The following COL21A1 variants were observed in gnomAD, a reference collection of about 807,000 sequenced individuals.
COL21A1 encodes the protein collagen type XXI alpha 1 chain.
Under a neutral mutation model 137.9 loss-of-function variants are expected in COL21A1, and 149 were observed. The ratio of observed to expected loss-of-function variants is 1.08; its 90% CI spans 0.95 to 1.24. The LOEUF (loss-of-function observed/expected upper bound fraction) is 1.24, where lower values mean the gene tolerates loss of function less well. COL21A1 is among the 50% of genes most tolerant of loss of function. The pLI, the probability that COL21A1 is intolerant of heterozygous loss-of-function variation, is 0.00. For missense variants in COL21A1, 1,167 were observed against 1,158.4 expected, an observed-to-expected ratio of 1.01 and a Z score of -0.11; for synonymous variants, 456 against 391.5, an observed-to-expected ratio of 1.16 and a Z score of -1.95.
At chr6:56,180,340 A>C (rs571922305) in intron 2 of COL21A1, among the ~76,000 whole-genome samples, 1 of 152,298 alleles carries the variant, frequency 6.6e-6, no homozygotes, top group Admixed American at 6.5e-5. Context: ...TTTTCTACCA[A>C]CTCCAGGACT....
At chr6:56,138,206 A>AAT (rs1297194812) in intron 12 of COL21A1, among the ~76,000 whole-genome samples, 1 of 151,898 alleles carries the variant, frequency 6.6e-6, no homozygotes, top group African/African-American at 2.4e-5. Context: ...GAGGAAGCAA[A>AAT]ATATTTTTTA....
intron 12 of COL21A1, among the ~76,000 whole-genome samples, chr6:56,127,634 A>C (rs1247553805): frequency 6.6e-6 from 1 of 152,222 alleles, no homozygotes; most frequent in African/African-American, 2.4e-5. Context: ...GATAATTTAG[A>C]ATTTTTAAAT....
chr6:56,243,214 A>C (rs1294993420), intron 1 of COL21A1, among the ~76,000 whole-genome samples: 1 of 152,140 alleles, frequency 6.6e-6, no homozygotes, highest in Non-Finnish European at 1.5e-5. Flanking sequence ...TACTCTTTTC[A>C]CAATAAATTT....
chr6:56,240,132 G>C (rs1782194098), intron 1 of COL21A1, among the ~76,000 whole-genome samples: 1 of 149,958 alleles, frequency 6.7e-6, no homozygotes, highest in South Asian at 2.1e-4. Flanking sequence ...GGCCTCCCTA[G>C]CCACATGGAA....
chr6:56,129,857 C>T (rs1773379196), intron 12 of COL21A1, among the ~76,000 whole-genome samples: 1 of 151,528 alleles, frequency 6.6e-6, no homozygotes, highest in African/African-American at 2.4e-5. Flanking sequence ...TAGGGGAAGA[C>T]CAAATGACAC....
intron 1 of COL21A1, among the ~76,000 whole-genome samples, chr6:56,196,091 C>A (rs1462990169): frequency 6.6e-6 from 1 of 152,112 alleles, no homozygotes; most frequent in Non-Finnish European, 1.5e-5. Context: ...ACATGATGTA[C>A]CACATTAAAA....
At chr6:56,337,145 A>G (rs1765346319) in intron 1 of COL21A1, among the ~76,000 whole-genome samples, 1 of 152,192 alleles carries the variant, frequency 6.6e-6, no homozygotes, top group South Asian at 2.1e-4. Flanking sequence ...CACCAAAATA[A>G]CAACTATGAG....
rs60178322 is a variant in COL21A1, at chr6:56,276,974, A to ATTTATTTTTATT, written c.-38-94330_-38-94319dup. On this transcript the variant is annotated intron_variant, in intron 1 of 28. Coordinates refer to the COL21A1 transcript ENST00000370819. ...AGGCGCATGCCGCCACGCCTGGCTAATTTATTTTTATTTTTATTTTTATTT... is the reference window on the plus strand; with the variant it reads ...AGGCGCATGCCGCCACGCCTGGCTAATTTATTTTTATTTTTATTTTTATTTTTATTTTTATTT... Among the ~76,000 whole-genome samples the ATTTATTTTTATT allele has an allele frequency of 9.8e-4, 144 of 147,474 alleles. 1 individual carries two copies. Among genetic ancestry groups the ATTTATTTTTATT allele is most frequent in the African/African-American group, 2.5e-3 (98 of 39,508 alleles).
At chr6:56,392,160 G>A (rs114256928) in intron 1 of COL21A1, among the ~76,000 whole-genome samples, 1 of 151,996 alleles carries the variant, frequency 6.6e-6, no homozygotes, top group Non-Finnish European at 1.5e-5. Flanking sequence ...GATCAAGTGG[G>A]ATTCATCCCA....
intron 1 of COL21A1, among the ~76,000 whole-genome samples, chr6:56,308,830 T>G (rs895423413): frequency 6.6e-6 from 1 of 152,188 alleles, no homozygotes; most frequent in Non-Finnish European, 1.5e-5. Flanking sequence ...GGATACTCAG[T>G]TGGACAGGGT....
intron 1 of COL21A1, among the ~76,000 whole-genome samples, chr6:56,392,275 A>T (rs1241728483): frequency 6.6e-6 from 1 of 152,118 alleles, no homozygotes; most frequent in Non-Finnish European, 1.5e-5. Context: ...ATGACAAAAA[A>T]AATTTGATAA....
intron 1 of COL21A1, among the ~76,000 whole-genome samples, chr6:56,307,381 C>G (rs1764489214): frequency 6.6e-6 from 1 of 152,228 alleles, no homozygotes; most frequent in Non-Finnish European, 1.5e-5. Context: ...CCAGTTCCAG[C>G]TTCCCAGCTG....
intron 1 of COL21A1, among the ~76,000 whole-genome samples, chr6:56,342,781 G>T (rs1210972038): frequency 6.6e-6 from 1 of 152,200 alleles, no homozygotes; most frequent in African/African-American, 2.4e-5. Flanking sequence ...AAATTAAAGA[G>T]ACTGAGAGAA....
intron 1 of COL21A1, among the ~76,000 whole-genome samples, chr6:56,317,772 G>A (rs893752384): frequency 2.0e-5 from 3 of 152,104 alleles, no homozygotes; most frequent in South Asian, 2.1e-4. Context: ...GTAGATATGC[G>A]ACCATTCATT....
chr6:56,304,266 T>C (rs1764377860), intron 1 of COL21A1, among the ~76,000 whole-genome samples: 1 of 152,022 alleles, frequency 6.6e-6, no homozygotes, highest in Non-Finnish European at 1.5e-5. Flanking sequence ...TAGGGAGGAT[T>C]CCCTCTTTTT....
intron 16 of COL21A1, among the ~76,000 whole-genome samples, chr6:56,105,596 T>A (rs1019686335): frequency 2.0e-5 from 3 of 152,186 alleles, no homozygotes; most frequent in Admixed American, 1.3e-4. Flanking sequence ...AATATTTGGG[T>A]ATAACATGAT....
At chr6:56,260,657 A>AGAG (rs1562028894) in intron 1 of COL21A1, among the ~76,000 whole-genome samples, 4 of 46,346 alleles carry the variant, frequency 8.6e-5, no homozygotes, top group Middle Eastern at 9.1e-3. Flanking sequence ...GGAAGGAAGG[A>AGAG]ATGAAGGAAG....
chr6:56,257,549 A>T (rs1363782280), intron 1 of COL21A1, among the ~76,000 whole-genome samples: 1 of 152,186 alleles, frequency 6.6e-6, no homozygotes, highest in Admixed American at 6.5e-5. Flanking sequence ...CAAAGCCCCC[A>T]AATTGTGGAT....
chr6:56,390,514 A>G (rs538493148), intron 1 of COL21A1, among the ~76,000 whole-genome samples: 9,377 of 151,390 alleles, frequency 0.062, 647 homozygotes, highest in African/African-American at 0.17. Context: ...ACACACACAC[A>G]CACACACACA....
Sources: allele counts gnomAD v4.1 joint callset (sites outside exome capture counted in the v4.1 genomes callset), GRCh38; gene constraint gnomAD v4.1.1; transcripts MANE v1.5; gene names NCBI Gene and HGNC (gene_info 2026-07-23, HGNC 2026-07-21).